Variants in FGF14 observed in about 807,000 individuals in gnomAD.
FGF14 encodes the protein fibroblast growth factor homologous factor 4.
A neutral mutation model predicts 25.5 loss-of-function variants in FGF14; 5 were observed. The observed-to-expected ratio is 0.20, with a 90% CI of 0.10 to 0.41. The LOEUF (loss-of-function observed/expected upper bound fraction) is 0.41. FGF14 is among the 10% of genes least tolerant of loss of function. The pLI is 1.00. For synonymous variants in FGF14, 138 were observed against 118.3 expected, an observed-to-expected ratio of 1.17 and a Z score of -1.08; for missense variants, 222 against 320.1, an observed-to-expected ratio of 0.69 and a Z score of 2.34.
chr13:102,103,199 A>C (rs1048330433), intron 1 of FGF14, among the ~76,000 whole-genome samples: 1 of 152,166 alleles, frequency 6.6e-6, no homozygotes, highest in Non-Finnish European at 1.5e-5. Flanking sequence ...AATGAATACC[A>C]ATGGTAAGTC....
At chr13:102,090,413 T>A (rs1481293253) in intron 1 of FGF14, among the ~76,000 whole-genome samples, 4 of 152,190 alleles carry the variant, frequency 2.6e-5, no homozygotes, top group Non-Finnish European at 4.4e-5. Context: ...GTGTCTTAGG[T>A]AAGTTCCAGG....
rs1288163162 is a variant in FGF14, at chr13:101,711,260, T to C, written c.*11571A>G. On this transcript the variant is annotated 3_prime_UTR_variant, in exon 5 of 5. Transcript: ENST00000376143. ...TAATCACGTCCAATCTTCTTACAGA[T>C]GCTGTTGTGTGACAATGGCTGTAAA... The C allele has an allele frequency of 2.6e-5, 4 of 152,364 alleles. No individual in the cohort carries two copies. The highest frequency in any genetic ancestry group is 7.2e-5 in the African/African-American group (3 of 41,574). The allele number at this position is 152,364 out of a possible 1,614,324, so 9.4% of individuals were successfully genotyped here. A position where few individuals can be genotyped will look rare whatever the true frequency, so the allele number is the denominator to read the frequency against.
chr13:102,365,181 G>A (rs540455308), intron 1 of FGF14, among the ~76,000 whole-genome samples: 1 of 152,092 alleles, frequency 6.6e-6, no homozygotes, highest in Non-Finnish European at 1.5e-5. Flanking sequence ...AAGCTCTATC[G>A]AGTCACAGCC....
intron 1 of FGF14, among the ~76,000 whole-genome samples, chr13:101,928,965 G>C (rs2476229): frequency 0.39 from 59,966 of 151,914 alleles, 12,371 homozygotes; most frequent in East Asian, 0.75. Flanking sequence ...AATAGGCCTC[G>C]CTTGGACAAT....
At chr13:101,937,624 C>T (rs2035190055) in intron 1 of FGF14, among the ~76,000 whole-genome samples, 2 of 152,158 alleles carry the variant, frequency 1.3e-5, no homozygotes, top group African/African-American at 4.8e-5. Flanking sequence ...GAGAAGGAGT[C>T]TTGCTCTGTC....
intron 3 of FGF14, among the ~76,000 whole-genome samples, chr13:101,738,521 TC>T (rs2036326573): frequency 6.6e-6 from 1 of 152,010 alleles, no homozygotes; most frequent in South Asian, 2.1e-4. Flanking sequence ...GTTTGATAAT[TC>T]CAAAGGTTAA....
intron 1 of FGF14, among the ~76,000 whole-genome samples, chr13:101,969,054 G>A (rs1328093459): frequency 6.6e-6 from 1 of 152,112 alleles, no homozygotes; most frequent in Non-Finnish European, 1.5e-5. Flanking sequence ...AAGAAACAAG[G>A]ATGGTCAGTG....
chr13:101,952,526 G>A (rs986463523), intron 1 of FGF14, among the ~76,000 whole-genome samples: 3 of 151,922 alleles, frequency 2.0e-5, no homozygotes, highest in African/African-American at 4.8e-5. Context: ...ATGATGAAAC[G>A]ACACAATTGG....
intron 1 of FGF14, among the ~76,000 whole-genome samples, chr13:102,098,568 G>C (rs1174867910): frequency 6.6e-6 from 1 of 152,170 alleles, no homozygotes; most frequent in Non-Finnish European, 1.5e-5. Flanking sequence ...TAATTGCCTT[G>C]ATTACATTTA....
At chr13:101,981,629 A>C (rs753646608) in intron 1 of FGF14, among the ~76,000 whole-genome samples, 2 of 109,916 alleles carry the variant, frequency 1.8e-5, no homozygotes, top group Non-Finnish European at 3.6e-5. Flanking sequence ...CATAGGAGAG[A>C]AAGTGGCCAT....
intron 3 of FGF14, among the ~76,000 whole-genome samples, chr13:101,743,685 C>G (rs1322298913): frequency 1.3e-5 from 2 of 152,072 alleles, no homozygotes; most frequent in African/African-American, 4.8e-5. Context: ...TGTCTATGCT[C>G]TGTCTATATT....
At chr13:101,940,582 T>C (rs1464610861) in intron 1 of FGF14, among the ~76,000 whole-genome samples, 1 of 152,214 alleles carries the variant, frequency 6.6e-6, no homozygotes, top group African/African-American at 2.4e-5. Flanking sequence ...TTCTACTCCA[T>C]ATCACCTCCT....
chr13:102,326,649 A>G (rs532832335), intron 1 of FGF14, among the ~76,000 whole-genome samples: 493 of 100,906 alleles, frequency 4.9e-3, no homozygotes, highest in Non-Finnish European at 6.9e-3. Context: ...GAAAGGGAGG[A>G]GAAGGGAGGG....
intron 1 of FGF14, among the ~76,000 whole-genome samples, chr13:102,142,237 C>T (rs636559): frequency 0.68 from 104,127 of 152,068 alleles, 36,844 homozygotes; most frequent in East Asian, 0.91. Context: ...CAAAACTGAT[C>T]CCAAATCTTG....
At chr13:102,320,341 C>G (rs916152033) in intron 1 of FGF14, among the ~76,000 whole-genome samples, 2 of 151,968 alleles carry the variant, frequency 1.3e-5, no homozygotes, top group Admixed American at 1.3e-4. Context: ...TTTCAGGCAA[C>G]CTTGTGTTCA....
chr13:101,954,641 GC>G (rs1401917735), intron 1 of FGF14, among the ~76,000 whole-genome samples: 1 of 152,198 alleles, frequency 6.6e-6, no homozygotes, highest in African/African-American at 2.4e-5. Flanking sequence ...TGTAGGCTGA[GC>G]TATGCTCCCA....
intron 1 of FGF14, among the ~76,000 whole-genome samples, chr13:102,037,581 G>A (rs2139976850): frequency 6.6e-6 from 1 of 152,212 alleles, no homozygotes; most frequent in Non-Finnish European, 1.5e-5. Flanking sequence ...GAGGAAATAA[G>A]GGAATGGGGG....
intron 1 of FGF14, among the ~76,000 whole-genome samples, chr13:102,037,756 C>T (rs550131808): frequency 1.3e-5 from 2 of 152,076 alleles, no homozygotes; most frequent in African/African-American, 2.4e-5. Flanking sequence ...GCACATTAAC[C>T]GTTGCAGACC....
At chr13:101,900,122 A>G (rs2031332340) in intron 1 of FGF14, among the ~76,000 whole-genome samples, 1 of 152,140 alleles carries the variant, frequency 6.6e-6, no homozygotes, top group African/African-American at 2.4e-5. Context: ...ATCACAGAAT[A>G]AGAAAATATT....
Sources: allele counts gnomAD v4.1 joint callset (sites outside exome capture counted in the v4.1 genomes callset), GRCh38; gene constraint gnomAD v4.1.1; transcripts MANE v1.5; gene names NCBI Gene and HGNC (gene_info 2026-07-23, HGNC 2026-07-21).